The following ZBBX variants were observed in gnomAD, a reference collection of about 807,000 sequenced individuals.
The protein encoded by ZBBX is zinc finger B-box domain containing.
A neutral mutation model predicts 108.5 loss-of-function variants in ZBBX; 101 were observed. The ratio of observed to expected loss-of-function variants is 0.93; its 90% confidence interval spans 0.79 to 1.10. The LOEUF (loss-of-function observed/expected upper bound fraction) is 1.10. ZBBX is among the 50% of genes least tolerant of loss of function. The probability of loss-of-function intolerance (pLI) is 0.00; values close to 1 mark genes in which losing one functional copy is unlikely to be tolerated. For missense variants in ZBBX, 1,009 were observed against 941.4 expected (o/e 1.07, Z -0.94); for synonymous variants, 356 against 323.4 (o/e 1.10, Z -1.08).
downstream of ZBBX, among the ~76,000 whole-genome samples, chr3:167,239,514 A>G (rs1299345566): frequency 1.3e-5 from 2 of 152,086 alleles, no homozygotes; most frequent in Non-Finnish European, 2.9e-5. Flanking sequence ...TTTCTACATA[A>G]TGAATATTAA....
intron 2 of ZBBX, among the ~76,000 whole-genome samples, chr3:167,377,975 C>G (rs533744186): frequency 1.3e-5 from 2 of 152,248 alleles, no homozygotes; most frequent in Admixed American, 1.3e-4. Context: ...CTCATGAGAT[C>G]TGATGGTTTT....
At chr3:167,294,876 G>T (rs568499988) in intron 18 of ZBBX, among the ~76,000 whole-genome samples, 1 of 152,134 alleles carries the variant, frequency 6.6e-6, no homozygotes, top group South Asian at 2.1e-4. Flanking sequence ...CCAAAAGTAG[G>T]CAAAGGATAT....
upstream of ZBBX, among the ~76,000 whole-genome samples, chr3:167,383,147 A>G (rs1382730267): frequency 1.3e-5 from 2 of 152,116 alleles, no homozygotes; most frequent in Non-Finnish European, 2.9e-5. Context: ...TGGGACAAAT[A>G]TCATATCTGC....
At chr3:167,340,525 T>C (rs957791867) in intron 9 of ZBBX, among the ~76,000 whole-genome samples, 1 of 152,110 alleles carries the variant, frequency 6.6e-6, no homozygotes, top group Non-Finnish European at 1.5e-5. Flanking sequence ...TTTATATTCT[T>C]AAAGCAAACT....
intron 9 of ZBBX, among the ~76,000 whole-genome samples, chr3:167,335,846 A>G (rs1739454791): frequency 6.6e-6 from 1 of 151,996 alleles, no homozygotes; most frequent in South Asian, 2.1e-4. Context: ...AATCTGTGGA[A>G]TCTGCTCCAA....
intron 20 of ZBBX, among the ~76,000 whole-genome samples, chr3:167,268,719 A>G (rs560750025): frequency 6.6e-6 from 1 of 152,112 alleles, no homozygotes; most frequent in Non-Finnish European, 1.5e-5. Flanking sequence ...AAGATACAAA[A>G]ATTAGAAAAT....
rs1553820652 is a variant in ZBBX at position 167,330,868 on chromosome 3, G to GAAGAAGA, written c.688-2753_688-2752insTCTTCTT. 9.2e-4 allele frequency among the ~76,000 whole-genome samples: 40 copies of GAAGAAGA among 43,340 alleles called. 1 individual carries two copies. The highest frequency in any genetic ancestry group is 3.7e-3 in the African/African-American group (33 of 8,902). 28.4% of individuals were successfully genotyped at this position (43,340 alleles called of 152,430 possible). On this transcript the variant is annotated intron_variant, in intron 10 of 21. Coordinates refer to ENST00000675490, the MANE Select transcript of ZBBX (RefSeq NM_001199201.2). ...AGAGGAGGAGGAGGAGGAGGAGGAGGAGGAGAAGAAGAAGAAGAAGAAGAA... is the reference window on the plus strand; with the variant it reads ...AGAGGAGGAGGAGGAGGAGGAGGAGGAAGAAGAAGGAGAAGAAGAAGAAGAAGAAGAA...
At chr3:167,204,786 GA>G in the ZBBX span, among the ~76,000 whole-genome samples, 1 of 151,920 alleles carries the variant, frequency 6.6e-6, no homozygotes, top group Non-Finnish European at 1.5e-5. Flanking sequence ...TCTAGAACTA[GA>G]AAAATCAATT....
At chr3:167,362,712 C>T (rs1377945744) in intron 6 of ZBBX, among the ~76,000 whole-genome samples, 1 of 152,130 alleles carries the variant, frequency 6.6e-6, no homozygotes, top group Non-Finnish European at 1.5e-5. Context: ...TCCCACAGGA[C>T]CTAGCCCCTT....
At chr3:167,318,823 A>T (rs1320486561) in intron 12 of ZBBX, among the ~76,000 whole-genome samples, 2 of 151,888 alleles carry the variant, frequency 1.3e-5, no homozygotes, top group Non-Finnish European at 2.9e-5. Context: ...ATCATACTTT[A>T]AAAAATATAT....
intron 20 of ZBBX, among the ~76,000 whole-genome samples, chr3:167,261,775 CAAAAA>C (rs60045904): frequency 1.4e-4 from 13 of 96,252 alleles, no homozygotes; most frequent in Admixed American, 2.2e-4. Context: ...CTCCCAACTG[CAAAAA>C]AAAAAAAAAA....
chr3:167,314,147 G>A (rs772978101), intron 15 of ZBBX, 31 bp from the exon 16 acceptor site: 8 of 1,514,798 alleles, frequency 5.3e-6, no homozygotes, highest in Non-Finnish European at 6.2e-6. Flanking sequence ...CAAAATAATA[G>A]AGTTGAAAAA....
intron 9 of ZBBX, among the ~76,000 whole-genome samples, chr3:167,343,508 G>T (rs1740913222): frequency 6.6e-6 from 1 of 151,842 alleles, no homozygotes; most frequent in Non-Finnish European, 1.5e-5. Flanking sequence ...AATTAGCACA[G>T]ATATAACTTC....
At chr3:167,267,885 A>G (rs1422358849) in intron 20 of ZBBX, among the ~76,000 whole-genome samples, 3 of 150,398 alleles carry the variant, frequency 2.0e-5, no homozygotes, top group Admixed American at 6.6e-5. Flanking sequence ...ATTGCCCCCA[A>G]TCCTTCCCCT....
At chr3:167,285,012 T>C (rs991948748) in intron 19 of ZBBX, among the ~76,000 whole-genome samples, 1 of 152,104 alleles carries the variant, frequency 6.6e-6, no homozygotes, top group Non-Finnish European at 1.5e-5. Context: ...AAGAAGTTAC[T>C]TTTGGAGTAA....
At chr3:167,279,107 A>C (rs1186165049) in intron 20 of ZBBX, among the ~76,000 whole-genome samples, 1 of 151,074 alleles carries the variant, frequency 6.6e-6, no homozygotes, top group East Asian at 2.0e-4. Flanking sequence ...ATTTCAAAAT[A>C]ATAAGAGCTA....
At chr3:167,256,336 G>T (rs928732840) in intron 20 of ZBBX, among the ~76,000 whole-genome samples, 5 of 152,030 alleles carry the variant, frequency 3.3e-5, no homozygotes, top group African/African-American at 1.2e-4. Flanking sequence ...TGGGCACATA[G>T]TAGGTGTATA....
chr3:167,238,720 T>C (rs1720332691), downstream of ZBBX, among the ~76,000 whole-genome samples: 1 of 152,026 alleles, frequency 6.6e-6, no homozygotes, highest in African/African-American at 2.4e-5. Flanking sequence ...GGGAAAACTG[T>C]CCTAAAATGT....
chr3:167,275,593 G>C (rs1727406213), intron 20 of ZBBX, among the ~76,000 whole-genome samples: 1 of 152,230 alleles, frequency 6.6e-6, no homozygotes, highest in Admixed American at 6.5e-5. Flanking sequence ...CGGCGCACCA[G>C]GAGATTATAT....
Sources: allele counts gnomAD v4.1 joint callset (sites outside exome capture counted in the v4.1 genomes callset), GRCh38; gene constraint gnomAD v4.1.1; transcripts MANE v1.5; gene names NCBI Gene and HGNC (gene_info 2026-07-23, HGNC 2026-07-21).